The following ACOXL variants were observed in gnomAD, a reference collection of about 807,000 sequenced individuals.
ACOXL encodes acyl-CoA oxidase like.
Under a neutral mutation model 71.9 loss-of-function variants are expected in ACOXL, and 70 were observed. The ratio of observed to expected loss-of-function variants is 0.97; its 90% CI spans 0.80 to 1.19. The LOEUF is 1.19. Ranked by LOEUF, ACOXL falls within the 50% of genes most tolerant of loss-of-function variation. ACOXL has a pLI of 0.00. For synonymous variants in ACOXL, 253 were observed against 281.6 expected (o/e 0.90, Z 1.02); for missense variants, 703 against 736.3 (o/e 0.95, Z 0.52).
At chr2:110,873,695 C>T (rs1426114827) in intron 10 of ACOXL, among the ~76,000 whole-genome samples, 2 of 152,158 alleles carry the variant, frequency 1.3e-5, no homozygotes, top group Non-Finnish European at 2.9e-5. Flanking sequence ...GCCCTGCCTC[C>T]TGCCATGGGA....
intron 16 of ACOXL, among the ~76,000 whole-genome samples, chr2:111,066,643 T>C (rs1465465906): frequency 2.0e-5 from 3 of 152,226 alleles, no homozygotes; most frequent in African/African-American, 7.2e-5. Flanking sequence ...ATAAAAAAGC[T>C]TAAAAATGCA....
At chr2:110,982,951 T>C (rs1255075501) in intron 12 of ACOXL, among the ~76,000 whole-genome samples, 1 of 152,186 alleles carries the variant, frequency 6.6e-6, no homozygotes, top group Non-Finnish European at 1.5e-5. Flanking sequence ...GGGCCTGCAT[T>C]TTCATTTTGC....
At chr2:110,963,700 T>C (rs1267379332) in intron 12 of ACOXL, 1 of 1,613,984 alleles carries the variant, frequency 6.2e-7, no homozygotes, top group Admixed American at 1.7e-5. Context: ...GGTGACGATG[T>C]TGTTATGCTT....
chr2:110,811,727 G>GCACACACA (rs755379222), intron 9 of ACOXL, among the ~76,000 whole-genome samples: 3 of 29,296 alleles, frequency 1.0e-4, no homozygotes, highest in Admixed American at 3.6e-4. Flanking sequence ...TGTTTTTTTT[G>GCACACACA]CATACACACA....
intron 16 of ACOXL, among the ~76,000 whole-genome samples, chr2:111,079,005 G>T (rs2067753044): frequency 6.6e-6 from 1 of 152,154 alleles, no homozygotes; most frequent in African/African-American, 2.4e-5. Context: ...GGCCAGTCTG[G>T]CATCTGAATT....
At chr2:110,897,941 A>T (rs1486907761) in intron 10 of ACOXL, among the ~76,000 whole-genome samples, 1 of 152,098 alleles carries the variant, frequency 6.6e-6, no homozygotes, top group East Asian at 1.9e-4. Context: ...ACATCAAAAG[A>T]ATAATAAGAG....
chr2:111,025,527 G>A (rs774335239), intron 14 of ACOXL, among the ~76,000 whole-genome samples: 4 of 152,160 alleles, frequency 2.6e-5, no homozygotes, highest in Non-Finnish European at 5.9e-5. Flanking sequence ...TAGTGGGTGC[G>A]TAGTACCTTC....
chr2:110,968,955 A>G (rs1409930076), intron 12 of ACOXL, among the ~76,000 whole-genome samples: 3 of 152,218 alleles, frequency 2.0e-5, no homozygotes, highest in Non-Finnish European at 4.4e-5. Flanking sequence ...TAAAGGAATT[A>G]AAAAGGTACA....
At chr2:110,767,324 CG>C (rs1681220229) in intron 1 of ACOXL, among the ~76,000 whole-genome samples, 1 of 152,088 alleles carries the variant, frequency 6.6e-6, no homozygotes, top group Non-Finnish European at 1.5e-5. Flanking sequence ...ACCTGAGAAG[CG>C]TAAGTGGGAG....
At chr2:111,037,359 G>T (rs750650479) in intron 15 of ACOXL, among the ~76,000 whole-genome samples, 2 of 152,184 alleles carry the variant, frequency 1.3e-5, no homozygotes, top group Non-Finnish European at 2.9e-5. Flanking sequence ...TTCTGAGGTG[G>T]TTTTTTATCA....
At chr2:110,759,327 C>G (rs1223604205) in intron 1 of ACOXL, among the ~76,000 whole-genome samples, 1 of 152,132 alleles carries the variant, frequency 6.6e-6, no homozygotes, top group African/African-American at 2.4e-5. Flanking sequence ...CTTTGTAGGT[C>G]TCTAAGAATT....
chr2:110,870,699 T>C (rs898277621), intron 10 of ACOXL, among the ~76,000 whole-genome samples: 1 of 152,192 alleles, frequency 6.6e-6, no homozygotes, highest in African/African-American at 2.4e-5. Context: ...ACACCTGGAC[T>C]CTCACCTGCC....
At chr2:111,095,171 C>T (rs1330039936) in intron 17 of ACOXL, among the ~76,000 whole-genome samples, 3 of 151,066 alleles carry the variant, frequency 2.0e-5, no homozygotes, top group Non-Finnish European at 4.4e-5. Flanking sequence ...AAGACTATTT[C>T]CCACAAAGAG....
chr2:110,997,006 C>T (rs576452004), intron 14 of ACOXL, among the ~76,000 whole-genome samples: 6 of 152,306 alleles, frequency 3.9e-5, no homozygotes, highest in South Asian at 2.1e-4. Flanking sequence ...ACCCCACAAA[C>T]GCATTCAGTT....
intron 11 of ACOXL, among the ~76,000 whole-genome samples, chr2:110,910,355 A>G (rs2059610562): frequency 1.3e-5 from 2 of 152,202 alleles, no homozygotes; most frequent in Non-Finnish European, 2.9e-5. Flanking sequence ...CTAAACTGCA[A>G]TTAGTTTATC....
chr2:110,963,564 AATGTGT>A lies in ACOXL; in HGVS notation c.1060-23543_1060-23538del, dbSNP rs976587179. On this transcript the variant is annotated intron_variant, in intron 12 of 17. Transcript: ENST00000439055. ...TGTAGTGATGGGATCGCAAATTTGA[AATGTGT>A]GTGTGTGTGTGTGTGTGTGTGTGTG... 1.8e-4 allele frequency: 265 copies of A among 1,478,516 alleles called. 1 individual carries two copies. In the South Asian group the frequency reaches 2.1e-3, roughly 12 times the overall value. The allele number at this position is 1,478,516 out of a possible 1,614,324, so 91.6% of individuals were successfully genotyped here.
intron 16 of ACOXL, among the ~76,000 whole-genome samples, chr2:111,060,126 C>T (rs944435785): frequency 6.6e-6 from 1 of 152,144 alleles, no homozygotes; most frequent in Admixed American, 6.5e-5. Context: ...TAGTAGGGAG[C>T]TGGGGTTTTC....
intron 16 of ACOXL, among the ~76,000 whole-genome samples, chr2:111,080,825 G>A (rs1228464241): frequency 6.6e-6 from 1 of 152,178 alleles, no homozygotes; most frequent in Non-Finnish European, 1.5e-5. Flanking sequence ...TATTCACCAC[G>A]ATCAAGCTGG....
chr2:110,791,138 G>A (rs1365002717), intron 3 of ACOXL, among the ~76,000 whole-genome samples: 1 of 152,226 alleles, frequency 6.6e-6, no homozygotes, highest in Non-Finnish European at 1.5e-5. Flanking sequence ...GGTTGGATTA[G>A]CTGCCCTTCA....
Sources: allele counts gnomAD v4.1 joint callset (sites outside exome capture counted in the v4.1 genomes callset), GRCh38; gene constraint gnomAD v4.1.1; transcripts MANE v1.5; gene names NCBI Gene and HGNC (gene_info 2026-07-23, HGNC 2026-07-21).